The following NCOR2 variants were observed in gnomAD, a reference collection of about 807,000 sequenced individuals.
NCOR2 encodes nuclear receptor corepressor 2.
NCOR2 carries 81 observed loss-of-function variants against 262.9 expected under a neutral mutation model. The observed-to-expected ratio is 0.31, with a 90% CI of 0.26 to 0.37. NCOR2 has a LOEUF of 0.37. Among genes scored for constraint, NCOR2 ranks in the 10% least tolerant of loss-of-function variants. The pLI, the probability that NCOR2 is intolerant of heterozygous loss-of-function variation, is 1.00. For missense variants in NCOR2, 3,385 were observed against 3,621.4 expected (o/e 0.93, Z 1.68); for synonymous variants, 1,659 against 1,559.3 (o/e 1.06, Z -1.51).
At chr12:124,419,855 G>C (rs1565926365) in intron 13 of NCOR2, 102 bp downstream of exon 15, 21 of 1,054,526 alleles carry the variant, frequency 2.0e-5, no homozygotes, top group Non-Finnish European at 2.6e-5. Flanking sequence ...ACAACTCATG[G>C]AGACAGTTAC....
chr12:124,362,431 G>T, intron 21 of NCOR2, 134 bp from the exon 24 acceptor site: 1 of 767,786 alleles, frequency 1.3e-6, no homozygotes, highest in Non-Finnish European at 1.9e-6. Flanking sequence ...TCCCAGGTGC[G>T]GCAAGAAAGG....
At chr12:124,405,568 G>A (rs2042229898) in intron 13 of NCOR2, among the ~76,000 whole-genome samples, 1 of 152,252 alleles carries the variant, frequency 6.6e-6, no homozygotes, top group South Asian at 2.1e-4. Context: ...AGGAATAGCA[G>A]AGCAGCCCTG....
At position 124,389,353 on chromosome 12, in the gene NCOR2, C is replaced by CGGG. The variant is rs1361178268; in HGVS notation, c.1877-3469_1877-3467dup. ...GTGACCTCCAGACGGAGGCTCGCGG[C>CGGG]GGGCGGGCAGGCGGGCGGGGGAGCG... On this transcript the variant is annotated intron_variant, in intron 16 of 46. Coordinates refer to ENST00000405201, the Ensembl canonical transcript of NCOR2. This position sits in a 1 kb window ranked among gnomAD's most constrained non-coding sequence, Gnocchi z 4.4. 6.6e-6 allele frequency among the ~76,000 whole-genome samples: 1 copy of CGGG among 151,880 alleles called. No individual in the cohort carries two copies. The highest frequency in any genetic ancestry group is 1.5e-5 in the Non-Finnish European group (1 of 67,944).
chr12:124,388,713 C>G (rs1000952974), intron 16 of NCOR2: 1 of 1,304,438 alleles, frequency 7.7e-7, no homozygotes, highest in Admixed American at 2.3e-5. Flanking sequence ...CCCCCTCGGC[C>G]AAGTTTTCCG....
chr12:124,467,738 ACCCCATCACCCTCATCTTCATCAC>A (rs2046536452), intron 4 of NCOR2, among the ~76,000 whole-genome samples: 3 of 97,892 alleles, frequency 3.1e-5, no homozygotes, highest in Non-Finnish European at 4.2e-5. Context: ...CATCCTCATC[ACCCCATCACCCTCATCTTCATCAC>A]CCCCATCACC....
intron 42 of NCOR2, 122 bp downstream of exon 44, chr12:124,333,008 G>T: frequency 2.2e-6 from 3 of 1,346,416 alleles, no homozygotes; most frequent in South Asian, 3.2e-5. Context: ...GCAGGCTTGA[G>T]GTCACCCAGC....
At chr12:124,411,273 CAG>C (rs746631858) in intron 13 of NCOR2, among the ~76,000 whole-genome samples, 122 of 149,378 alleles carry the variant, frequency 8.2e-4, no homozygotes, top group Non-Finnish European at 9.1e-4. Flanking sequence ...CATACACACA[CAG>C]AGAGAGAGAG....
chr12:124,501,062 G>GCACACACACA lies in NCOR2; in HGVS notation c.-117-5704_-117-5695dup, dbSNP rs3040848. On this transcript the variant is annotated intron_variant, in intron 1 of 46. Transcript: ENST00000404621. ...ACGGCACGAGCGCGCGCGCACGCGCGCACACACACACACACACACACACAC... is the reference window on the plus strand; with the variant it reads ...ACGGCACGAGCGCGCGCGCACGCGCGCACACACACACACACACACACACACACACACACAC... Among the ~76,000 whole-genome samples, 42 of 147,916 alleles carry GCACACACACA rather than the reference G, an allele frequency of 2.8e-4. 1 individual carries two copies. Among genetic ancestry groups the GCACACACACA allele is most frequent in the East Asian group, 1.9e-3 (9 of 4,798 alleles).
intron 41 of NCOR2, among the ~76,000 whole-genome samples, chr12:124,333,893 T>TGCGCGCGCATGTGTGTGG (rs1566353598): frequency 2.3e-5 from 3 of 132,308 alleles, no homozygotes; most frequent in Non-Finnish European, 5.1e-5. Context: ...TGCATGTGTG[T>TGCGCGCGCATGTGTGTGG]GTGCGCGCGC....
chr12:124,479,230 A>G (rs1466692441), intron 3 of NCOR2, among the ~76,000 whole-genome samples: 2 of 152,290 alleles, frequency 1.3e-5, no homozygotes, highest in East Asian at 1.9e-4. Context: ...ACATGCACAC[A>G]CACGTGCACA....
At chr12:124,507,595 C>T (rs2049121006) in intron 1 of NCOR2, among the ~76,000 whole-genome samples, 1 of 152,190 alleles carries the variant, frequency 6.6e-6, no homozygotes, top group Non-Finnish European at 1.5e-5. Flanking sequence ...GGCTGGGCAG[C>T]GACTTGCACC....
At position 124,523,916 on chromosome 12, in the gene NCOR2, C is replaced by T. The variant is rs1378009767; in HGVS notation, c.-118+11649G>A. On this transcript the variant is annotated intron_variant, in intron 1 of 46. Coordinates refer to the NCOR2 transcript ENST00000404621. The surrounding 1 kb of genome is among the most constrained non-coding windows in gnomAD (Gnocchi z 4.0). ...CGCATCTACGACACTAACCACTAGA[C>T]TATACTGTCTCCAAGAATGTCAGGC... is the stretch of plus-strand genomic sequence containing the variant. Among the ~76,000 whole-genome samples, 1 of 152,216 alleles carries T rather than the reference C, an allele frequency of 6.6e-6. No individual in the cohort carries two copies. The highest frequency in any genetic ancestry group is 2.4e-5 in the African/African-American group (1 of 41,456).
At chr12:124,334,244 A>C in intron 41 of NCOR2, 180 bp downstream of exon 43, 2 of 519,826 alleles carry the variant, frequency 3.8e-6, no homozygotes, top group Admixed American at 4.0e-5. Context: ...TTCATCAGCT[A>C]TTATTCGTTA....
At chr12:124,351,291 C>T (rs77738425) in intron 27 of NCOR2, among the ~76,000 whole-genome samples, 3,113 of 152,308 alleles carry the variant, frequency 0.02, 114 homozygotes, top group African/African-American at 0.07. Context: ...AGGACAAGGA[C>T]TCACGTCAGG....
At chr12:124,442,873 AAGAC>A (rs1249581088) in intron 7 of NCOR2, among the ~76,000 whole-genome samples, 5 of 152,300 alleles carry the variant, frequency 3.3e-5, no homozygotes, top group East Asian at 1.9e-4. Context: ...TTTGGACAAA[AAGAC>A]AGACACACAC....
In NCOR2 at chr12:124,386,791, G is replaced by A. The variant is rs540804462; in HGVS notation, c.1877-904C>T. Among the ~76,000 whole-genome samples the A allele has an allele frequency of 7.9e-5, 12 of 152,348 alleles. No homozygotes were observed. In the South Asian group the frequency reaches 1.2e-3, roughly 16 times the overall value. On this transcript the variant is annotated intron_variant, in intron 16 of 46. Coordinates refer to ENST00000405201, the Ensembl canonical transcript of NCOR2. Reference sequence around the variant, plus strand: ...CCTGGGAAGCCAAGCCCCCGGTCTCGGCCTGTCTGCCCGGCGAGCTGCGGC... The same window carrying A: ...CCTGGGAAGCCAAGCCCCCGGTCTCAGCCTGTCTGCCCGGCGAGCTGCGGC...
At chr12:124,361,895 C>G (rs1236700955) in intron 22 of NCOR2, among the ~76,000 whole-genome samples, 1 of 152,388 alleles carries the variant, frequency 6.6e-6, no homozygotes, top group East Asian at 1.9e-4. Context: ...CGGGGTGACT[C>G]TTGGCCAAGG....
rs371173664 is a variant in NCOR2, at chr12:124,378,231, C to A, written c.2167+6G>T. On this transcript the variant is annotated splice_donor_region_variant and intron_variant, in intron 18 of 46. Coordinates refer to ENST00000405201, the Ensembl canonical transcript of NCOR2. The surrounding 1 kb of genome is among the most constrained non-coding windows in gnomAD (Gnocchi z 4.2). ...CCAGCCACCTCCAAGCCGCGCCAGC[C>A]CTCACCTTCAGCCTCCTCCACCATC... 1.2e-6 allele frequency: 2 copies of A among 1,613,172 alleles called. No individual in the cohort carries two copies. Among genetic ancestry groups the A allele is most frequent in the South Asian group, 1.1e-5 (1 of 91,012 alleles).
At chr12:124,354,026 G>T in intron 27 of NCOR2, 67 bp downstream of exon 29, 3 of 1,381,550 alleles carry the variant, frequency 2.2e-6, no homozygotes, top group South Asian at 1.2e-5. Context: ...GACAATGAGG[G>T]GTTATAAGAT....
Sources: allele counts gnomAD v4.1 joint callset (sites outside exome capture counted in the v4.1 genomes callset), GRCh38; gene constraint gnomAD v4.1.1; non-coding constraint Gnocchi (gnomAD v3.1); transcripts MANE v1.5; gene names NCBI Gene and HGNC (gene_info 2026-07-23, HGNC 2026-07-21).